ROR1: variants seen among roughly 807,000 people sequenced by gnomAD.
ROR1 encodes inactive tyrosine-protein kinase transmembrane receptor ROR1.
ROR1 carries 19 observed loss-of-function variants against 78.8 expected under a neutral mutation model. The observed-to-expected ratio is 0.24, with a 90% CI of 0.17 to 0.35. The LOEUF (loss-of-function observed/expected upper bound fraction) is 0.35. ROR1 is among the 10% of genes least tolerant of loss of function. The probability of loss-of-function intolerance (pLI) is 1.00; values close to 1 mark genes in which losing one functional copy is unlikely to be tolerated. For synonymous variants in ROR1, 386 were observed against 433.6 expected (o/e 0.89, Z 1.36); for missense variants, 917 against 1,177.8 (o/e 0.78, Z 3.24).
chr1:63,933,781 T>C (rs1302316470), intron 1 of ROR1, among the ~76,000 whole-genome samples: 2 of 152,230 alleles, frequency 1.3e-5, no homozygotes, highest in Non-Finnish European at 2.9e-5. Context: ...ATAAAGCCTG[T>C]GTTCCCACCA....
intron 7 of ROR1, among the ~76,000 whole-genome samples, chr1:64,146,983 G>C (rs1019464302): frequency 6.6e-6 from 1 of 152,164 alleles, no homozygotes; most frequent in Non-Finnish European, 1.5e-5. Flanking sequence ...TGTCTGCATA[G>C]AGCTCTGACC....
intron 1 of ROR1, among the ~76,000 whole-genome samples, chr1:63,950,465 A>C (rs1272251228): frequency 6.6e-6 from 1 of 152,192 alleles, no homozygotes; most frequent in African/African-American, 2.4e-5. Flanking sequence ...ACATATAATG[A>C]CCAGTGAGGA....
At chr1:64,146,695 A>AAG (rs973888483) in intron 7 of ROR1, among the ~76,000 whole-genome samples, 2 of 152,040 alleles carry the variant, frequency 1.3e-5, no homozygotes, top group Non-Finnish European at 2.9e-5. Flanking sequence ...TTATACCTAA[A>AAG]GTACTCGTTT....
At chr1:64,131,505 C>A (rs1290914406) in intron 4 of ROR1, among the ~76,000 whole-genome samples, 4 of 151,548 alleles carry the variant, frequency 2.6e-5, no homozygotes, top group Admixed American at 6.6e-5. Context: ...CAACCATTGG[C>A]CCTCTCCCAA....
chr1:63,879,038 A>C (rs1192745759), intron 1 of ROR1, among the ~76,000 whole-genome samples: 1 of 152,174 alleles, frequency 6.6e-6, no homozygotes, highest in Non-Finnish European at 1.5e-5. Context: ...AAAGGAAAAT[A>C]AACTGTTAGA....
At chr1:64,104,102 A>G (rs1647686084) in intron 4 of ROR1, among the ~76,000 whole-genome samples, 1 of 152,164 alleles carries the variant, frequency 6.6e-6, no homozygotes, top group Non-Finnish European at 1.5e-5. Flanking sequence ...GCACTAGGCT[A>G]TATATCTATG....
At chr1:64,065,704 G>A (rs1292616893) in intron 4 of ROR1, among the ~76,000 whole-genome samples, 2 of 152,142 alleles carry the variant, frequency 1.3e-5, no homozygotes, top group South Asian at 2.1e-4. Flanking sequence ...AGTGATTGAA[G>A]CCCCAGGACT....
intron 2 of ROR1, among the ~76,000 whole-genome samples, chr1:64,039,214 T>C (rs1646726560): frequency 6.6e-6 from 1 of 152,232 alleles, no homozygotes; most frequent in Non-Finnish European, 1.5e-5. Context: ...ATGGCTTGTG[T>C]GCCCTTTTGT....
At chr1:64,080,421 G>A (rs1647091696) in intron 4 of ROR1, among the ~76,000 whole-genome samples, 1 of 152,144 alleles carries the variant, frequency 6.6e-6, no homozygotes, top group Non-Finnish European at 1.5e-5. Context: ...CTGTTTTTAA[G>A]TCTTCCTTCT....
At chr1:63,866,706 T>C (rs1245818737) in intron 1 of ROR1, among the ~76,000 whole-genome samples, 12 of 152,214 alleles carry the variant, frequency 7.9e-5, no homozygotes, top group Admixed American at 7.9e-4. Flanking sequence ...TATGGATCTA[T>C]TGTTTTAGAC....
intron 1 of ROR1, among the ~76,000 whole-genome samples, chr1:63,930,387 C>G (rs1340819532): frequency 1.3e-5 from 2 of 152,208 alleles, no homozygotes; most frequent in African/African-American, 4.8e-5. Context: ...CATTTATTAG[C>G]CAGCAAGCAT....
At chr1:64,031,472 T>A (rs1477708130) in intron 2 of ROR1, among the ~76,000 whole-genome samples, 1 of 152,220 alleles carries the variant, frequency 6.6e-6, no homozygotes, top group African/African-American at 2.4e-5. Flanking sequence ...TTTTCTTGGA[T>A]GATTCATGTG....
chr1:64,175,356 G>A (rs1650352846), intron 8 of ROR1, among the ~76,000 whole-genome samples: 1 of 152,000 alleles, frequency 6.6e-6, no homozygotes, highest in South Asian at 2.1e-4. Context: ...CAGTACATAC[G>A]AAACGTCCTC....
At chr1:64,139,322 A>G (rs1191343138) in intron 5 of ROR1, among the ~76,000 whole-genome samples, 1 of 151,990 alleles carries the variant, frequency 6.6e-6, no homozygotes, top group Non-Finnish European at 1.5e-5. Flanking sequence ...AGCGTTTCCC[A>G]AACTTGTTGG....
At chr1:64,039,396 C>G (rs1646728169) in intron 2 of ROR1, among the ~76,000 whole-genome samples, 1 of 152,166 alleles carries the variant, frequency 6.6e-6, no homozygotes, top group African/African-American at 2.4e-5. Flanking sequence ...AATAGAAATT[C>G]ATGGGCCAGA....
chr1:64,113,421 C>T (rs182033396), intron 4 of ROR1, among the ~76,000 whole-genome samples: 13 of 152,268 alleles, frequency 8.5e-5, no homozygotes, highest in Admixed American at 7.2e-4. Context: ...AAGAGATAGC[C>T]GTTGAGTCAT....
At position 63,923,156 on chromosome 1, in the gene ROR1, C is replaced by T. The variant is rs548635570; in HGVS notation, c.92-86149C>T. ...TGACACCTGCCCTTGGGCTTCCCAG[C>T]GTGGCACTTCAGCCCCTCTTGGCTC... On this transcript the variant is annotated intron_variant, in intron 1 of 8. Transcript: ENST00000371079. 1.3e-4 allele frequency among the ~76,000 whole-genome samples: 20 copies of T among 152,284 alleles called. No individual in the cohort carries two copies. The South Asian group carries it at 4.1e-3, about 32-fold the overall frequency.
At chr1:63,907,961 A>G (rs1645541573) in intron 1 of ROR1, among the ~76,000 whole-genome samples, 2 of 152,258 alleles carry the variant, frequency 1.3e-5, no homozygotes, top group Non-Finnish European at 2.9e-5. Flanking sequence ...TCCAAAATCT[A>G]TATTATTCTG....
At chr1:63,842,716 C>T (rs546498973) in intron 1 of ROR1, among the ~76,000 whole-genome samples, 2 of 151,832 alleles carry the variant, frequency 1.3e-5, no homozygotes, top group African/African-American at 2.4e-5. Flanking sequence ...CTTACTGGTC[C>T]TGCTTCCATG....
Sources: allele counts gnomAD v4.1 joint callset (sites outside exome capture counted in the v4.1 genomes callset), GRCh38; gene constraint gnomAD v4.1.1; transcripts MANE v1.5; gene names NCBI Gene and HGNC (gene_info 2026-07-23, HGNC 2026-07-21).